DLG5: variants seen among roughly 807,000 people sequenced by gnomAD.
The protein encoded by DLG5 is disks large homolog 5.
In DLG5, 48 loss-of-function variants were observed where a neutral mutation model predicts 189.8. That is an observed-to-expected ratio of 0.25 (90% CI 0.20 to 0.32). The LOEUF is 0.32. Among genes scored for constraint, DLG5 ranks in the 10% least tolerant of loss-of-function variants. The pLI is 1.00. For synonymous variants in DLG5, 1,016 were observed against 1,054.1 expected (o/e 0.96, Z 0.70); for missense variants, 2,160 against 2,544.7 (o/e 0.85, Z 3.25).
upstream of DLG5, among the ~76,000 whole-genome samples, chr10:77,930,537 G>A (rs1195430310): frequency 2.0e-5 from 3 of 151,316 alleles, no homozygotes; most frequent in Admixed American, 6.6e-5. Flanking sequence ...TAGTAGAGAC[G>A]GGGGTTTCTC....
chr10:77,795,876 G>A (rs1015907570), intron 29 of DLG5, among the ~76,000 whole-genome samples, 185 bp downstream of exon 29: 2 of 152,182 alleles, frequency 1.3e-5, no homozygotes, highest in African/African-American at 2.4e-5. Flanking sequence ...CAAGGGATGT[G>A]CTTGCAGAAA....
At chr10:77,920,045 T>C (rs1437573962) in intron 1 of DLG5, among the ~76,000 whole-genome samples, 2 of 152,226 alleles carry the variant, frequency 1.3e-5, no homozygotes, top group Non-Finnish European at 2.9e-5. Context: ...ATGAGGACTA[T>C]AACAGCAAAT....
At chr10:77,819,255 A>C in intron 17 of DLG5, 66 bp downstream of exon 17, 2 of 1,610,190 alleles carry the variant, frequency 1.2e-6, no homozygotes, top group Non-Finnish European at 1.7e-6. Flanking sequence ...TTATGCACTC[A>C]TGGTTCCATG....
At chr10:77,863,916 C>A (rs1264280810) in intron 2 of DLG5, among the ~76,000 whole-genome samples, 1 of 152,166 alleles carries the variant, frequency 6.6e-6, no homozygotes, top group Non-Finnish European at 1.5e-5. Context: ...CCCTGCCTTA[C>A]GAGGAAGCTG....
At chr10:77,800,418 A>G (rs1427141663) in intron 27 of DLG5, among the ~76,000 whole-genome samples, 1 of 152,114 alleles carries the variant, frequency 6.6e-6, no homozygotes, top group African/African-American at 2.4e-5. Context: ...GCAACTGGAG[A>G]CTTCTAAAGT....
At chr10:77,905,185 G>C (rs1247961322) in intron 1 of DLG5, among the ~76,000 whole-genome samples, 1 of 150,834 alleles carries the variant, frequency 6.6e-6, no homozygotes, top group Non-Finnish European at 1.5e-5. Flanking sequence ...TATTTTCATA[G>C]AGATGAGTTG....
At position 77,816,537 on chromosome 10, in the gene DLG5, C is replaced by T; in HGVS notation, c.4025+14G>A. ...ACTGGTTTACCCACTCCACCGATGA[C>T]CGGCCATGCTCACCTGTCCTTTCTC... On this transcript the variant is annotated intron_variant, in intron 20 of 31. Coordinates refer to ENST00000372391, the MANE Select transcript of DLG5 (RefSeq NM_004747.4). The T allele has an allele frequency of 6.2e-7, 1 of 1,614,024 alleles. No individual in the cohort carries two copies. The highest frequency in any genetic ancestry group is 1.1e-5 in the South Asian group (1 of 91,076).
chr10:77,816,939 G>A, intron 19 of DLG5, 68 bp downstream of exon 19: 1 of 1,529,530 alleles, frequency 6.5e-7, no homozygotes, highest in Non-Finnish European at 9.1e-7. Flanking sequence ...GCTAAGCCCA[G>A]AGACTCCACC....
rs367895058 is a variant in DLG5, at chr10:77,867,078, G to A, written c.373+2051C>T. On this transcript the variant is annotated intron_variant, in intron 2 of 31. Coordinates refer to ENST00000372391, the MANE Select transcript of DLG5 (RefSeq NM_004747.4). ...GGAAGAGCACAGAGATACTGTTGAC[G>A]GCTCCATCGCAAGGACTGAGTCAGC... The A allele has an allele frequency of 1.2e-4, 57 of 456,880 alleles. 3 individuals are homozygous for A. The highest frequency in any genetic ancestry group is 7.6e-4 in the East Asian group (11 of 14,382). 28.3% of individuals were successfully genotyped at this position (456,880 alleles called of 1,614,324 possible).
At chr10:77,833,864 C>T (rs754778517) in intron 9 of DLG5, 50 bp downstream of exon 9, 2 of 1,593,380 alleles carry the variant, frequency 1.3e-6, no homozygotes, top group African/African-American at 1.3e-5. Flanking sequence ...GAGAGGGGCC[C>T]CAGGCTCCCA....
intron 2 of DLG5, chr10:77,867,162 G>A (rs1270826799): frequency 2.3e-6 from 1 of 441,664 alleles, no homozygotes; most frequent in Non-Finnish European, 4.6e-6. Context: ...TCCAGAATAT[G>A]CTGGGGTCCA....
intron 1 of DLG5, among the ~76,000 whole-genome samples, chr10:77,893,672 G>C (rs1318447631): frequency 6.6e-6 from 1 of 152,198 alleles, no homozygotes; most frequent in Non-Finnish European, 1.5e-5. Flanking sequence ...CCGTGCTTGG[G>C]GGCAGAATGA....
At chr10:77,883,447 G>A (rs921631044) in intron 1 of DLG5, among the ~76,000 whole-genome samples, 1 of 152,104 alleles carries the variant, frequency 6.6e-6, no homozygotes, top group African/African-American at 2.4e-5. Flanking sequence ...CTGACACTCA[G>A]AAACTGGAAT....
Position 77,812,014 on chromosome 10 carries a change from C to A in DLG5, c.4232G>T (p.Arg1411Leu). The A allele has an allele frequency of 6.2e-7, 1 of 1,611,256 alleles. No individual in the cohort carries two copies. Residue 1411 changes from arginine to leucine, a missense_variant, in exon 22 of 32, where the codon CGG becomes CTG. This residue lies in a region of DLG5 where 61 missense variants were observed against 101.0 expected (regional missense o/e 0.60). Transcript: ENST00000372391. ...NLRSATEQQA[R>L]LIIGQQCDTI... is the part of the protein sequence containing the mutation. ...ATCACACTGCTGCCCGATGATGAGCCGCGCCTGCTGCTCCGTGGCGCTCCG... is the reference window on the plus strand; with the variant it reads ...ATCACACTGCTGCCCGATGATGAGCAGCGCCTGCTGCTCCGTGGCGCTCCG...
chr10:77,824,556 C>A (rs982776725), intron 13 of DLG5, 80 bp from the exon 14 acceptor site: 4 of 1,132,918 alleles, frequency 3.5e-6, no homozygotes, highest in Non-Finnish European at 3.9e-6. Flanking sequence ...CCTACCTAAC[C>A]TCCTGTGCTA....
chr10:77,930,475 G>A (rs1205601874), upstream of DLG5, among the ~76,000 whole-genome samples: 1 of 151,590 alleles, frequency 6.6e-6, no homozygotes, highest in Admixed American at 6.6e-5. Flanking sequence ...AGCCTCCCGA[G>A]TAGCTAGGAC....
chr10:77,889,382 G>T (rs1394549433), intron 1 of DLG5: 1 of 152,264 alleles, frequency 6.6e-6, no homozygotes, highest in Non-Finnish European at 1.5e-5. Context: ...TGAGCTGGCT[G>T]CCCTGGGTGC....
rs748421821 is a variant in DLG5 at position 77,842,103 on chromosome 10, G to A, written c.1215C>T (p.Thr405=). 6.3e-5 allele frequency: 102 copies of A among 1,613,194 alleles called. No homozygotes were observed. Among genetic ancestry groups the A allele is most frequent in the Non-Finnish European group, 7.8e-5 (92 of 1,180,056 alleles). ...WEMELLQSEL[T]ELRTTQVKTA... ...TCTTCACCTGCGTGGTTCTCAGCTC[G>A]GTCAGCTCTGACTGCAGCAGCTCCA... Residue 405 remains threonine (T), a synonymous_variant, in exon 7 of 32, where the codon ACC becomes ACT. Coordinates refer to ENST00000372391, the MANE Select transcript of DLG5 (RefSeq NM_004747.4).
chr10:77,842,269 C>T (rs1221174303), intron 6 of DLG5, 76 bp from the exon 7 acceptor site: 9 of 1,521,912 alleles, frequency 5.9e-6, no homozygotes, highest in African/African-American at 2.7e-5. Flanking sequence ...TGCTGCCTCC[C>T]GCCAGCTCTA....
Sources: gnomAD v4.1 joint callset for allele counts (sites outside exome capture counted in the v4.1 genomes callset) on GRCh38, gnomAD v4.1.1 for gene constraint, gnomAD v4.1.1 regional missense constraint, MANE v1.5 for transcripts, NCBI Gene and HGNC (gene_info 2026-07-23, HGNC 2026-07-21) for gene names.